CCND3: variants seen among roughly 807,000 people sequenced by gnomAD.
The protein encoded by CCND3 is G1/S-specific cyclin-D3.
Under a neutral mutation model 28.7 loss-of-function variants are expected in CCND3, and 9 were observed. That is an observed-to-expected ratio of 0.31 (90% confidence interval 0.19 to 0.55). The LOEUF (loss-of-function observed/expected upper bound fraction) is 0.55. Among genes scored for constraint, CCND3 ranks in the 20% least tolerant of loss-of-function variants. The pLI, the probability that CCND3 is intolerant of heterozygous loss-of-function variation, is 0.93. For synonymous variants in CCND3, 164 were observed against 163.9 expected, an observed-to-expected ratio of 1.00 and a Z score of 0.00; for missense variants, 315 against 385.8, an observed-to-expected ratio of 0.82 and a Z score of 1.54.
intron 1 of CCND3, among the ~76,000 whole-genome samples, chr6:42,021,852 G>T (rs978148045): frequency 2.0e-5 from 3 of 152,150 alleles, no homozygotes; most frequent in Non-Finnish European, 4.4e-5. Context: ...CCAACAGAAG[G>T]TGAATTTGAT....
Position 41,935,778 on chromosome 6 carries a change from A to C in CCND3, c.*162T>G. ...GCAGACATGGCTGGCCGGGCCCCTT[A>C]GTGCACACTGCGGGGATGGGTAGGA... is the stretch of plus-strand genomic sequence containing the variant. On this transcript the variant is annotated 3_prime_UTR_variant, in exon 5 of 5. Coordinates refer to ENST00000372991, the MANE Select transcript of CCND3 (RefSeq NM_001760.5). The C allele has an allele frequency of 1.5e-6, 1 of 665,368 alleles. No homozygotes were observed. Among genetic ancestry groups the C allele is most frequent in the Non-Finnish European group, 2.6e-6 (1 of 386,090 alleles). The allele number at this position is 665,368 out of a possible 1,614,324, so 41.2% of individuals were successfully genotyped here.
rs765106114 is a variant in CCND3, at chr6:41,940,421, G to C, written c.363C>G (p.Ile121Met). The change falls in exon 2 of 5, where the codon ATC (isoleucine) becomes ATG (methionine). Residue 121 changes from isoleucine to methionine, a missense_variant. Transcript: ENST00000372991. ...GGTCGGTGTAGATGCACAGTTTTTC[G>C]ATGGTCAGGGGCGTGGTCTCGCGCA... Reference protein sequence around the residue: ...SKLRETTPLTIEKLCIYTDHA... With the variant: ...SKLRETTPLTMEKLCIYTDHA... 1.2e-5 allele frequency: 19 copies of C among 1,613,788 alleles called. No individual in the cohort carries two copies. Among genetic ancestry groups the C allele is most frequent in the Non-Finnish European group, 1.5e-5 (18 of 1,179,966 alleles).
At chr6:41,950,839 G>C (rs927191974) in intron 1 of CCND3, among the ~76,000 whole-genome samples, 7 of 151,720 alleles carry the variant, frequency 4.6e-5, no homozygotes, top group African/African-American at 1.5e-4. Flanking sequence ...CTCCCGAGTA[G>C]CTGGGACTAC....
Position 41,936,546 on chromosome 6 carries a change from AC to A in CCND3, c.711+12del. Reference sequence around the variant, plus strand: ...TGAATGGAGAGGCTGCTGCCCAGCTACCCAGCACTCACCACTTCAGTGCCAG... The same window carrying A: ...TGAATGGAGAGGCTGCTGCCCAGCTACCAGCACTCACCACTTCAGTGCCAG... On this transcript the variant is annotated intron_variant, in intron 4 of 4. Transcript: ENST00000372991. This position sits in a 1 kb window ranked among gnomAD's most constrained non-coding sequence, Gnocchi z 4.4. The A allele has an allele frequency of 1.2e-6, 2 of 1,613,820 alleles. No individual in the cohort carries two copies. The highest frequency in any genetic ancestry group is 2.2e-5 in the South Asian group (2 of 91,062).
intron 1 of CCND3, among the ~76,000 whole-genome samples, chr6:42,006,777 G>A (rs575394893): frequency 9.2e-5 from 14 of 151,932 alleles, no homozygotes; most frequent in South Asian, 2.1e-4. Flanking sequence ...GCGTGGTGGC[G>A]GGCGCCTGTA....
intron 1 of CCND3, among the ~76,000 whole-genome samples, chr6:42,029,837 CAAAAAAAA>C (rs34732029): frequency 8.5e-6 from 1 of 118,212 alleles, no homozygotes; most frequent in Non-Finnish European, 1.7e-5. Context: ...AACTCTGTCT[CAAAAAAAA>C]AAAAAAAAAA....
At chr6:41,984,409 C>T (rs960186211) in intron 1 of CCND3, among the ~76,000 whole-genome samples, 5 of 152,108 alleles carry the variant, frequency 3.3e-5, no homozygotes, top group Non-Finnish European at 7.3e-5. Flanking sequence ...TGCAATGGCA[C>T]AATCTCTGCT....
At chr6:42,017,247 A>G (rs1018134222) in intron 1 of CCND3, among the ~76,000 whole-genome samples, 7 of 152,224 alleles carry the variant, frequency 4.6e-5, no homozygotes, top group African/African-American at 1.7e-4. Context: ...AGGGGCCCAC[A>G]GCCTCTCCAG....
At chr6:41,984,688 T>C (rs1252541138) in intron 1 of CCND3, among the ~76,000 whole-genome samples, 2 of 152,134 alleles carry the variant, frequency 1.3e-5, no homozygotes, top group Non-Finnish European at 2.9e-5. Context: ...TCACCATACT[T>C]TCCTTTATAG....
intron 1 of CCND3, among the ~76,000 whole-genome samples, chr6:41,953,133 G>A (rs867196182): frequency 4.9e-4 from 73 of 150,164 alleles, no homozygotes; most frequent in African/African-American, 1.8e-3. Flanking sequence ...TTCGCCGGGC[G>A]TGATGGCTGT....
intron 1 of CCND3, among the ~76,000 whole-genome samples, chr6:41,955,930 C>T (rs990782115): frequency 3.9e-5 from 6 of 151,960 alleles, no homozygotes; most frequent in African/African-American, 1.5e-4. Flanking sequence ...AGAGCGAAAC[C>T]GTATCTCAGA....
At chr6:41,987,545 G>A (rs1009389461) in intron 1 of CCND3, among the ~76,000 whole-genome samples, 10 of 150,060 alleles carry the variant, frequency 6.7e-5, no homozygotes, top group African/African-American at 2.5e-4. Flanking sequence ...GTGTGTGTGT[G>A]TGTGTGTGTG....
At chr6:42,043,507 G>A (rs557402804) in intron 1 of CCND3, among the ~76,000 whole-genome samples, 29 of 152,300 alleles carry the variant, frequency 1.9e-4, no homozygotes, top group Non-Finnish European at 3.8e-4. Context: ...CTCCAGCCGG[G>A]GCGACAGAGT....
upstream of CCND3, among the ~76,000 whole-genome samples, chr6:41,943,950 C>A (rs1268784526): frequency 6.6e-6 from 1 of 152,110 alleles, no homozygotes. Context: ...TAACCCTTTT[C>A]ATATTTTTTG....
intron 1 of CCND3, among the ~76,000 whole-genome samples, chr6:41,997,859 C>T (rs1762855628): frequency 6.6e-6 from 1 of 151,430 alleles, no homozygotes; most frequent in Admixed American, 6.6e-5. Flanking sequence ...TTTCAGGTAA[C>T]AGCCAGGCAC....
At chr6:42,046,336 A>G (rs1286531125) in intron 1 of CCND3, among the ~76,000 whole-genome samples, 1 of 152,166 alleles carries the variant, frequency 6.6e-6, no homozygotes, top group Non-Finnish European at 1.5e-5. Flanking sequence ...GCAGCTTTGG[A>G]AGCAGGAGCT....
In CCND3 at chr6:42,048,679, CGA is replaced by C. The variant is rs1764621045; in HGVS notation, c.-226_-225del. ...GAGCCAGTCTCCACCCCTGCAGTGGCGAAGTGTTTACAAAGTCCGCGCCGCGC... is the reference window on the plus strand; with the variant it reads ...GAGCCAGTCTCCACCCCTGCAGTGGCAGTGTTTACAAAGTCCGCGCCGCGC... On this transcript the variant is annotated 5_prime_UTR_variant, in exon 1 of 5. Coordinates refer to the CCND3 transcript ENST00000372988. This position sits in a 1 kb window ranked among gnomAD's most constrained non-coding sequence, Gnocchi z 4.7. 1.9e-6 allele frequency: 1 copy of C among 517,954 alleles called. No homozygotes were observed. The highest frequency in any genetic ancestry group is 1.9e-5 in the African/African-American group (1 of 51,936). The allele number at this position is 517,954 out of a possible 1,614,324, so 32.1% of individuals were successfully genotyped here.
intron 1 of CCND3, among the ~76,000 whole-genome samples, chr6:42,034,258 C>T (rs550162751): frequency 3.6e-4 from 55 of 151,124 alleles, no homozygotes; most frequent in Non-Finnish European, 7.1e-4. Context: ...AGCAATTCTC[C>T]TGTCTCAGCC....
intron 1 of CCND3, among the ~76,000 whole-genome samples, chr6:42,001,808 T>C (rs1763019906): frequency 6.6e-6 from 1 of 152,098 alleles, no homozygotes; most frequent in Admixed American, 6.6e-5. Context: ...TGGATGTGAA[T>C]GTTTACATTT....
Sources: gnomAD v4.1 joint callset for allele counts (sites outside exome capture counted in the v4.1 genomes callset) on GRCh38, gnomAD v4.1.1 for gene constraint, Gnocchi (gnomAD v3.1) non-coding constraint, MANE v1.5 for transcripts, NCBI Gene and HGNC (gene_info 2026-07-23, HGNC 2026-07-21) for gene names.